The following SEZ6 variants were observed in gnomAD, a reference collection of about 807,000 sequenced individuals.
SEZ6 encodes the protein seizure protein 6 homolog.
SEZ6 carries 53 observed loss-of-function variants against 101.0 expected under a neutral mutation model. That is an observed-to-expected ratio of 0.52 (90% CI 0.42 to 0.66). The LOEUF is 0.66. Among genes scored for constraint, SEZ6 ranks in the 30% least tolerant of loss-of-function variants. The pLI, the probability that SEZ6 is intolerant of heterozygous loss-of-function variation, is 0.00. For synonymous variants in SEZ6, 488 were observed against 512.2 expected (o/e 0.95, Z 0.64); for missense variants, 1,102 against 1,289.4 (o/e 0.85, Z 2.23).
At chr17:28,962,173 C>T (rs2040987692) in intron 5 of SEZ6, among the ~76,000 whole-genome samples, 1 of 152,216 alleles carries the variant, frequency 6.6e-6, no homozygotes, top group South Asian at 2.1e-4. Context: ...ACTGTGTGCT[C>T]ACTATCTTGT....
chr17:28,957,276 T>G, intron 12 of SEZ6, 34 bp from the exon 13 acceptor site: 1 of 1,613,316 alleles, frequency 6.2e-7, no homozygotes. Flanking sequence ...GAGGGTGTCA[T>G]GCCCTTGGCC....
At position 28,978,006 on chromosome 17, in the gene SEZ6, CAG is replaced by C. The variant is rs893529177; in HGVS notation, c.858+1672_858+1673del. On this transcript the variant is annotated intron_variant, in intron 3 of 16. Transcript: ENST00000317338. The stretch of plus-strand genomic sequence containing the variant: ...TGTAGGAAGAAGGGGAGGGGCCCAA[CAG>C]GGGTAGGAGAGGGTCCCCCTGACAG... Among the ~76,000 whole-genome samples, 8 of 152,276 alleles carry C rather than the reference CAG, an allele frequency of 5.3e-5. No individual in the cohort carries two copies. In the East Asian group the frequency reaches 1.5e-3, roughly 29 times the overall value.
intron 1 of SEZ6, among the ~76,000 whole-genome samples, chr17:28,983,431 G>A (rs1488956351): frequency 6.6e-6 from 1 of 152,076 alleles, no homozygotes; most frequent in Non-Finnish European, 1.5e-5. Flanking sequence ...AGGCCACCTG[G>A]TCCTTAGCAA....
At chr17:28,962,530 G>C (rs2040994614) in intron 5 of SEZ6, among the ~76,000 whole-genome samples, 1 of 152,164 alleles carries the variant, frequency 6.6e-6, no homozygotes, top group African/African-American at 2.4e-5. Flanking sequence ...TGTAATCCCA[G>C]CACTTTGGGA....
In SEZ6 at chr17:28,959,805, A is replaced by G; in HGVS notation, c.1664T>C (p.Val555Ala). ...GTAGCCAGGGTCGCAGCTGAACTCC[A>G]CAGTGGTACCCACAGGGTAGGTGGG... ...STPTYPVGTT[V>A]EFSCDPGYTL... The change falls in exon 8 of 17, where the codon GTG (valine) becomes GCG (alanine). Residue 555 changes from valine to alanine, a missense_variant. Val to Ala is a moderately conservative substitution (Grantham distance 64). Transcript: ENST00000317338. The surrounding 1 kb of genome is among the most constrained non-coding windows in gnomAD (Gnocchi z 4.4). 1 of 1,613,904 alleles carries G rather than the reference A, an allele frequency of 6.2e-7. No individual in the cohort carries two copies. The highest frequency in any genetic ancestry group is 1.1e-5 in the South Asian group (1 of 91,078).
intron 4 of SEZ6, 34 bp from the exon 5 acceptor site, chr17:28,964,181 G>T: frequency 2.0e-6 from 3 of 1,532,858 alleles, no homozygotes; most frequent in Non-Finnish European, 1.8e-6. Context: ...CTGTGTATGT[G>T]TGCAGGGTGG....
intron 1 of SEZ6, among the ~76,000 whole-genome samples, chr17:28,987,179 C>A (rs2041396589): frequency 2.0e-5 from 3 of 152,196 alleles, no homozygotes; most frequent in Admixed American, 1.3e-4. Flanking sequence ...CATTTATTAT[C>A]CCATAAAAGT....
At position 28,957,933 on chromosome 17, in the gene SEZ6, A is replaced by T; in HGVS notation, c.2302+14T>A. The T allele has an allele frequency of 6.2e-7, 1 of 1,604,722 alleles. No homozygotes were observed. Among genetic ancestry groups the T allele is most frequent in the Non-Finnish European group, 8.5e-7 (1 of 1,172,226 alleles). ...TGTGTTGGGAAGGGGAGCGTGGGGA[A>T]CAGGTATACTCACCCCTCTGGCATG... On this transcript the variant is annotated intron_variant, in intron 11 of 16. Transcript: ENST00000317338.
chr17:28,985,802 A>T (rs991490062), intron 1 of SEZ6, among the ~76,000 whole-genome samples: 8 of 152,230 alleles, frequency 5.3e-5, no homozygotes, highest in African/African-American at 1.9e-4. Flanking sequence ...ATACTGCACC[A>T]TGCAAAGGGC....
chr17:28,956,300 T>C (rs774699481), intron 15 of SEZ6, 39 bp from the exon 16 acceptor site: 2 of 1,587,054 alleles, frequency 1.3e-6, no homozygotes, highest in Non-Finnish European at 1.7e-6. Flanking sequence ...GAGCACTGGG[T>C]AGGAGTGAGG....
In SEZ6 at chr17:28,963,972, G is replaced by C. The variant is rs113031217; in HGVS notation, c.1230C>G (p.Pro410=). The stretch of plus-strand genomic sequence containing the variant: ...CCCCTGGGCACTCACCGATGCAGAC[G>C]GGCTCCTTTGAATCCCAGAAGGGCT... The part of the protein sequence containing the change: ...ATQPFWDSKE[P]VCIAACGGVI... The change falls in exon 5 of 17, where the codon CCC becomes CCG. Residue 410 remains proline (P), a synonymous_variant. Transcript: ENST00000317338. 1.2e-6 allele frequency: 2 copies of C among 1,611,122 alleles called. No homozygotes were observed. Among genetic ancestry groups the C allele is most frequent in the East Asian group, 2.2e-5 (1 of 44,808 alleles).
In SEZ6 at chr17:28,957,945, A is replaced by T; in HGVS notation, c.2302+2T>A. On this transcript the variant is annotated splice_donor_variant, in intron 11 of 16. Transcript: ENST00000317338. LOFTEE classifies it high-confidence loss of function. ...GGGAGCGTGGGGAACAGGTATACTC[A>T]CCCCTCTGGCATGAGGGCAGGTCCT... 6.2e-7 allele frequency: 1 copy of T among 1,611,968 alleles called. No homozygotes were observed. The highest frequency in any genetic ancestry group is 8.5e-7 in the Non-Finnish European group (1 of 1,178,430).
chr17:28,955,691 G>A lies in SEZ6; in HGVS notation c.*271C>T, dbSNP rs1409273118. The A allele has an allele frequency of 1.5e-6, 1 of 656,978 alleles. No homozygotes were observed. Among genetic ancestry groups the A allele is most frequent in the South Asian group, 1.5e-5 (1 of 66,340 alleles). The allele number at this position is 656,978 out of a possible 1,614,324, so 40.7% of individuals were successfully genotyped here. A position where few individuals can be genotyped will look rare whatever the true frequency, so the allele number is the denominator to read the frequency against. ...GAGGCTCAGGATGCTGGCTGTTGAT[G>A]CTTGTGCTCCAGCTATGTTCTTCCC... On this transcript the variant is annotated 3_prime_UTR_variant, in exon 17 of 17. Coordinates refer to ENST00000317338, the MANE Select transcript of SEZ6 (RefSeq NM_178860.5).
chr17:28,964,291 A>G lies in SEZ6; in HGVS notation c.1055-144T>C, dbSNP rs2041029931. The G allele has an allele frequency of 1.6e-5, 13 of 805,168 alleles. 1 individual carries two copies. In the South Asian group the frequency reaches 2.3e-4, roughly 14 times the overall value. The allele number at this position is 805,168 out of a possible 1,614,324, so 49.9% of individuals were successfully genotyped here. On this transcript the variant is annotated intron_variant, in intron 4 of 16. Coordinates refer to ENST00000317338, the MANE Select transcript of SEZ6 (RefSeq NM_178860.5). The stretch of plus-strand genomic sequence containing the variant: ...GCACTAGGAGTTCCAAAACAACTCC[A>G]ATCTCCTCCCTAGAAGGTTACCAGT...
In SEZ6 at chr17:28,959,912, G is replaced by C; in HGVS notation, c.1577-20C>G. 4.4e-6 allele frequency: 7 copies of C among 1,587,372 alleles called. No individual in the cohort carries two copies. Among genetic ancestry groups the C allele is most frequent in the Non-Finnish European group, 6.0e-6 (7 of 1,167,040 alleles). ...GGAAGGCTGTAAACCACAGGTCCCA[G>C]CCCAGCTCAGCCTTGACTGGTATTA... is the stretch of plus-strand genomic sequence containing the variant. On this transcript the variant is annotated intron_variant, in intron 7 of 16. Transcript: ENST00000317338. This position sits in a 1 kb window ranked among gnomAD's most constrained non-coding sequence, Gnocchi z 4.4.
chr17:28,999,326 T>C (rs2041583915), intron 1 of SEZ6, among the ~76,000 whole-genome samples: 1 of 152,174 alleles, frequency 6.6e-6, no homozygotes, highest in Non-Finnish European at 1.5e-5. Flanking sequence ...AGCATCCTCA[T>C]GGCATCTTTC....
chr17:28,969,695 C>T, intron 4 of SEZ6, 62 bp downstream of exon 4: 1 of 1,371,572 alleles, frequency 7.3e-7, no homozygotes, highest in South Asian at 1.8e-5. Flanking sequence ...CAGAGACCCC[C>T]CTCCCCAGCA....
chr17:28,955,925 T>G lies in SEZ6; in HGVS notation c.*37A>C, dbSNP rs758808710. 3 of 1,606,218 alleles carry G rather than the reference T, an allele frequency of 1.9e-6. No individual in the cohort carries two copies. The highest frequency in any genetic ancestry group is 2.6e-6 in the Non-Finnish European group (3 of 1,176,174). On this transcript the variant is annotated 3_prime_UTR_variant, in exon 17 of 17. Coordinates refer to ENST00000317338, the MANE Select transcript of SEZ6 (RefSeq NM_178860.5). ...TGCTGGACTGTGGTGCAAGTCTGAGTTGACTTCCCTAGACTGCCCCCACCT... is the reference window on the plus strand; with the variant it reads ...TGCTGGACTGTGGTGCAAGTCTGAGGTGACTTCCCTAGACTGCCCCCACCT...
chr17:28,958,567 A>C (rs989928260), intron 10 of SEZ6, among the ~76,000 whole-genome samples: 1 of 152,178 alleles, frequency 6.6e-6, no homozygotes, highest in African/African-American at 2.4e-5. Flanking sequence ...AGGTGGGCAG[A>C]TCACTTGAAG....
Sources: allele counts gnomAD v4.1 joint callset (sites outside exome capture counted in the v4.1 genomes callset), GRCh38; gene constraint gnomAD v4.1.1; non-coding constraint Gnocchi (gnomAD v3.1); transcripts MANE v1.5; gene names NCBI Gene and HGNC (gene_info 2026-07-23, HGNC 2026-07-21).